Variants in RPS6 observed in about 807,000 individuals in gnomAD.
RPS6 encodes the protein small ribosomal subunit protein eS6.
In RPS6, 1 loss-of-function variant was observed where a neutral mutation model predicts 27.1. That is an observed-to-expected ratio of 0.04 (90% confidence interval 0.01 to 0.18). The LOEUF (loss-of-function observed/expected upper bound fraction) is 0.18, where lower values mean the gene tolerates loss of function less well. Among genes scored for constraint, RPS6 ranks in the 10% least tolerant of loss-of-function variants. The pLI is 1.00. For synonymous variants in RPS6, 152 were observed against 106.0 expected (o/e 1.43, Z -2.66); for missense variants, 259 against 319.1 (o/e 0.81, Z 1.44).
At chr9:19,379,706 A>G (rs1829647940) in intron 1 of RPS6, 88 bp from the exon 2 acceptor site, 1 of 1,520,074 alleles carries the variant, frequency 6.6e-7, no homozygotes, top group South Asian at 1.3e-5. Context: ...CACTGCAAAA[A>G]GCCTTTCATG....
Position 19,376,173 on chromosome 9 carries a change from T to C in RPS6, c.*120A>G. The C allele has an allele frequency of 1.2e-6, 1 of 819,428 alleles. No homozygotes were observed. The highest frequency in any genetic ancestry group is 2.6e-5 in the East Asian group (1 of 39,136). 50.8% of individuals were successfully genotyped at this position (819,428 alleles called of 1,614,324 possible). On this transcript the variant is annotated 3_prime_UTR_variant, in exon 6 of 6. Coordinates refer to ENST00000380394, the MANE Select transcript of RPS6 (RefSeq NM_001010.3). ...TTATCCACCATTGGAATACCATATA[T>C]ACATATCCCCATTTTCTATGACCTA...
At position 19,378,812 on chromosome 9, in the gene RPS6, G is replaced by C. The variant is rs757921977; in HGVS notation, c.245C>G (p.Ser82Cys). The C allele has an allele frequency of 9.9e-6, 16 of 1,614,082 alleles. No homozygotes were observed. The highest frequency in any genetic ancestry group is 1.4e-5 in the Non-Finnish European group (16 of 1,179,992). ...TCCAGTTCTCCTTGGTCTGTAACAG[G>C]AATGCCCCTTACTCAGTAGCAGGCG... ...RVRLLLSKGH[S>C]CYRPRRTGER... The change falls in exon 3 of 6, where the codon TCC becomes TGC. Residue 82 changes from serine (S) to cysteine (C), a missense_variant. By Grantham distance (112) the Ser-to-Cys change is moderately radical. Around this residue, in one of 3 missense-constraint regions of RPS6, gnomAD observed 191 missense variants for 231.6 expected, o/e 0.82. Coordinates refer to ENST00000380394, the MANE Select transcript of RPS6 (RefSeq NM_001010.3).
At chr9:19,377,649 C>G (rs1012868377) in intron 4 of RPS6, among the ~76,000 whole-genome samples, 1 of 152,084 alleles carries the variant, frequency 6.6e-6, no homozygotes, top group Non-Finnish European at 1.5e-5. Context: ...CAAATTTCAC[C>G]ACAGAAATAT....
chr9:19,380,068 T>C, intron 1 of RPS6, 122 bp downstream of exon 1: 11 of 1,602,742 alleles, frequency 6.9e-6, no homozygotes, highest in Non-Finnish European at 9.4e-6. Context: ...AGCCTTCTCC[T>C]ACTTGAGACC....
chr9:19,378,273 C>T, intron 4 of RPS6, 95 bp downstream of exon 4: 2 of 1,244,158 alleles, frequency 1.6e-6, no homozygotes, highest in Non-Finnish European at 2.3e-6. Context: ...AGTGCTAAGG[C>T]CTTCCAAAGG....
intron 4 of RPS6, 52 bp from the exon 5 acceptor site, chr9:19,376,703 C>T (rs1420496690): frequency 1.3e-6 from 2 of 1,544,254 alleles, no homozygotes; most frequent in African/African-American, 2.8e-5. Flanking sequence ...TTAGAATCCA[C>T]ATCTACTTTA....
At chr9:19,379,991 CGCCGCGGCTCCA>C (rs1829652906) in intron 1 of RPS6, 187 bp downstream of exon 1, 1 of 1,459,868 alleles carries the variant, frequency 6.8e-7, no homozygotes, top group Non-Finnish European at 9.0e-7. Flanking sequence ...GCTCCCGGCC[CGCCGCGGCTCCA>C]GCCGCAATCG....
chr9:19,379,967 G>T, intron 1 of RPS6: 1 of 1,440,906 alleles, frequency 6.9e-7, no homozygotes, highest in Non-Finnish European at 9.1e-7. Flanking sequence ...TGGGCGCGGG[G>T]ACGCCACCAT....
At chr9:19,378,004 A>C (rs1448630618) in intron 4 of RPS6, among the ~76,000 whole-genome samples, 1 of 152,202 alleles carries the variant, frequency 6.6e-6, no homozygotes, top group African/African-American at 2.4e-5. Flanking sequence ...AAATATTAAT[A>C]ATTTAGAACA....
At chr9:19,379,416 T>C in intron 2 of RPS6, 71 bp downstream of exon 2, 1 of 1,595,894 alleles carries the variant, frequency 6.3e-7, no homozygotes, top group Non-Finnish European at 8.5e-7. Context: ...TGAACCCCAT[T>C]CCAAATACCA....
At chr9:19,376,433 A>C (rs1410659956) in intron 5 of RPS6, 45 bp from the exon 6 acceptor site, 32 of 1,612,676 alleles carry the variant, frequency 2.0e-5, no homozygotes, top group Non-Finnish European at 2.5e-5. Flanking sequence ...TTCTGGGTTA[A>C]AGACGCAAAT....
rs1395392852 is a variant in RPS6 at position 19,376,306 on chromosome 9, G to A, written c.737C>T (p.Ser246Phe). 13 of 1,612,726 alleles carry A rather than the reference G, an allele frequency of 8.1e-6. No homozygotes were observed. Among genetic ancestry groups the A allele is most frequent in the Non-Finnish European group, 1.1e-5 (13 of 1,179,504 alleles). Residue 246 changes from serine to phenylalanine, a missense_variant, in exon 6 of 6, where the codon TCC (serine) becomes TTC (phenylalanine). Physicochemically the swap from Ser to Phe is radical, Grantham distance 155. This residue lies in a region of RPS6 where 191 missense variants were observed against 231.6 expected (regional missense o/e 0.82). Transcript: ENST00000380394. ...SLRASTSKSE[S>F]SQK ...ACTCAAAAAATCTTATTTCTGACTG[G>A]ATTCAGACTTAGAAGTAGAAGCTCG...
At position 19,376,497 on chromosome 9, in the gene RPS6, C is replaced by T. The variant is rs761666963; in HGVS notation, c.651G>A (p.Met217Ile). 1.9e-6 allele frequency: 3 copies of T among 1,613,890 alleles called. No homozygotes were observed. The South Asian group carries it at 3.3e-5, about 18-fold the overall frequency. Reference sequence around the variant, plus strand: ...CCTCAAATCATCTTAGACTAACCTTCATTCTCTTGGCCAAAAGTTTAGCAT... The same window carrying T: ...CCTCAAATCATCTTAGACTAACCTTTATTCTCTTGGCCAAAAGTTTAGCAT... ...AEYAKLLAKR[M>I]KEAKEKRQEQ... The change falls in exon 5 of 6, where the codon ATG (methionine) becomes ATA (isoleucine). Residue 217 changes from methionine (M) to isoleucine (I), a missense_variant. By Grantham distance (10) the Met-to-Ile change is conservative. Coordinates refer to ENST00000380394, the MANE Select transcript of RPS6 (RefSeq NM_001010.3).
chr9:19,376,984 TTATC>T (rs2132426123), intron 4 of RPS6: 2 of 187,970 alleles, frequency 1.1e-5, no homozygotes, highest in South Asian at 2.8e-4. Flanking sequence ...ACTTAACACA[TTATC>T]TACATAATCA....
Position 19,378,732 on chromosome 9 carries a change from G to A in RPS6, c.325C>T (p.Leu109Phe). ...GCIVDANLSV[L>F]NLVIVKKGEK... is the part of the protein sequence containing the mutation. ...CCTTTTTTTACAATAACCAAGTTGA[G>A]AACGCTCAGATTTGCATCCACAATG... Residue 109 changes from leucine (L) to phenylalanine (F), a missense_variant, in exon 3 of 6, where the codon CTC (leucine) becomes TTC (phenylalanine). Leu to Phe is a conservative substitution (Grantham distance 22). Coordinates refer to ENST00000380394, the MANE Select transcript of RPS6 (RefSeq NM_001010.3). The A allele has an allele frequency of 6.2e-7, 1 of 1,614,056 alleles. No homozygotes were observed. Among genetic ancestry groups the A allele is most frequent in the Non-Finnish European group, 8.5e-7 (1 of 1,179,980 alleles).
chr9:19,377,639 C>T (rs1323880998), intron 4 of RPS6, among the ~76,000 whole-genome samples: 1 of 152,130 alleles, frequency 6.6e-6, no homozygotes, highest in African/African-American at 2.4e-5. Flanking sequence ...TAAATATCCC[C>T]AAATTTCACC....
Position 19,378,429 on chromosome 9 carries a change from G to T in RPS6, c.435C>A (p.Phe145Leu). 6.2e-7 allele frequency: 1 copy of T among 1,613,908 alleles called. No individual in the cohort carries two copies. Among genetic ancestry groups the T allele is most frequent in the Non-Finnish European group, 8.5e-7 (1 of 1,180,012 alleles). Reference sequence around the variant, plus strand: ...GGACATCATCTTCTTTAGAGAGATTGAAAAGTTTGCGGATTCTGCTAGCTC... The same window carrying T: ...GGACATCATCTTCTTTAGAGAGATTTAAAAGTTTGCGGATTCTGCTAGCTC... ...PKRASRIRKL[F>L]NLSKEDDVRQ... The change falls in exon 4 of 6, where the codon TTC becomes TTA. Residue 145 changes from phenylalanine (F) to leucine (L), a missense_variant. By Grantham distance (22) the Phe-to-Leu change is conservative. Transcript: ENST00000380394.
At position 19,376,117 on chromosome 9, in the gene RPS6, T is replaced by C; in HGVS notation, c.*176A>G. On this transcript the variant is annotated 3_prime_UTR_variant, in exon 6 of 6. Coordinates refer to ENST00000380394, the MANE Select transcript of RPS6 (RefSeq NM_001010.3). ...AAGGAACCCCTGTACACTGACCTTG[T>C]CTTCCACTACCACACACAATAGGTC... 1 of 596,978 alleles carries C rather than the reference T, an allele frequency of 1.7e-6. No individual in the cohort carries two copies. The highest frequency in any genetic ancestry group is 2.9e-6 in the Non-Finnish European group (1 of 346,006). The allele number at this position is 596,978 out of a possible 1,614,324, so 37.0% of individuals were successfully genotyped here. A position where few individuals can be genotyped will look rare whatever the true frequency, so the allele number is the denominator to read the frequency against.
At chr9:19,379,002 C>T in intron 2 of RPS6, 84 bp from the exon 3 acceptor site, 1 of 1,265,066 alleles carries the variant, frequency 7.9e-7, no homozygotes, top group South Asian at 1.4e-5. Context: ...TGTGAACACA[C>T]CTATATGAGA....
Sources: gnomAD v4.1 joint callset for allele counts (sites outside exome capture counted in the v4.1 genomes callset) on GRCh38, gnomAD v4.1.1 for gene constraint, gnomAD v4.1.1 regional missense constraint, MANE v1.5 for transcripts, NCBI Gene and HGNC (gene_info 2026-07-23, HGNC 2026-07-21) for gene names.